The following POLR1D variants were observed in gnomAD, a reference collection of about 807,000 sequenced individuals.
The protein encoded by POLR1D is DNA-directed RNA polymerases I and III subunit RPAC2.
In POLR1D, 8 loss-of-function variants were observed where a neutral mutation model predicts 10.8. That is an observed-to-expected ratio of 0.74 (90% confidence interval 0.43 to 1.33). The LOEUF is 1.33. Ranked by LOEUF, POLR1D falls within the 40% of genes most tolerant of loss-of-function variation. POLR1D has a pLI of 0.01. For missense variants in POLR1D, 152 were observed against 161.7 expected (o/e 0.94, Z 0.32); for synonymous variants, 54 against 57.2 (o/e 0.94, Z 0.25).
At chr13:27,643,211 G>A (rs1485652385) in intron 1 of POLR1D, among the ~76,000 whole-genome samples, 1 of 152,176 alleles carries the variant, frequency 6.6e-6, no homozygotes, top group Non-Finnish European at 1.5e-5. Flanking sequence ...TAGCAAGTGC[G>A]TAATGTAGAT....
chr13:27,656,866 TTAAA>T (rs1187980768), intron 2 of POLR1D, among the ~76,000 whole-genome samples: 1 of 152,206 alleles, frequency 6.6e-6, no homozygotes, highest in Non-Finnish European at 1.5e-5. Context: ...AGGAAAATGC[TTAAA>T]TAAACTGTGG....
chr13:27,629,197 A>G (rs749602121), intron 1 of POLR1D, among the ~76,000 whole-genome samples: 4 of 152,220 alleles, frequency 2.6e-5, no homozygotes, highest in Admixed American at 6.5e-5. Context: ...GCATAGGCAT[A>G]GCAAACTTAG....
At chr13:27,653,604 T>TA (rs1257669947) in intron 2 of POLR1D, among the ~76,000 whole-genome samples, 1 of 152,216 alleles carries the variant, frequency 6.6e-6, no homozygotes, top group African/African-American at 2.4e-5. Context: ...CTTGCACTCT[T>TA]ACGTTATTGA....
At chr13:27,627,727 GTTTTTT>G (rs57621806), downstream of POLR1D, among the ~76,000 whole-genome samples, 11 of 95,396 alleles carry the variant, frequency 1.2e-4, no homozygotes, top group South Asian at 1.6e-3. Context: ...TAAAGTTTTA[GTTTTTT>G]TTTTTTTTTT....
intron 1 of POLR1D, among the ~76,000 whole-genome samples, chr13:27,630,101 C>CG (rs1486642994): frequency 6.6e-6 from 1 of 151,962 alleles, no homozygotes; most frequent in Non-Finnish European, 1.5e-5. Context: ...TTAGTAGAGA[C>CG]GGGGTTTCAC....
intron 2 of POLR1D, among the ~76,000 whole-genome samples, chr13:27,664,167 G>GGAATGTCC (rs1956392703): frequency 6.6e-6 from 1 of 152,198 alleles, no homozygotes; most frequent in African/African-American, 2.4e-5. Context: ...TTCCCGCACA[G>GGAATGTCC]GAATGTCCTA....
At chr13:27,633,774 C>G (rs1285993229) in intron 1 of POLR1D, among the ~76,000 whole-genome samples, 5 of 152,182 alleles carry the variant, frequency 3.3e-5, no homozygotes, top group Non-Finnish European at 7.4e-5. Context: ...ATTGCGATCC[C>G]TCATCTAACA....
rs907759568 is a variant in POLR1D at position 27,662,197 on chromosome 13, T to C, written c.102-3489T>C. On this transcript the variant is annotated intron_variant, in intron 2 of 2. Coordinates refer to the POLR1D transcript ENST00000399697. ...TGCCATCTTGCAAAAATTCCGGATG[T>C]ATTAGCCTATTTGAGAGCTATGTGT... 2.6e-5 allele frequency among the ~76,000 whole-genome samples: 4 copies of C among 152,186 alleles called. 1 individual carries two copies. Among genetic ancestry groups the C allele is most frequent in the Admixed American group, 2.6e-4 (4 of 15,286 alleles).
chr13:27,655,449 G>A (rs916367846), intron 2 of POLR1D, among the ~76,000 whole-genome samples: 5 of 152,008 alleles, frequency 3.3e-5, no homozygotes, highest in Non-Finnish European at 5.9e-5. Flanking sequence ...TTTTATAGTG[G>A]TTGCCTTTTG....
chr13:27,633,655 T>G (rs1391484018), intron 1 of POLR1D, among the ~76,000 whole-genome samples: 3 of 152,222 alleles, frequency 2.0e-5, no homozygotes, highest in African/African-American at 7.2e-5. Flanking sequence ...ACTCTTGCAC[T>G]TTTCCCTTGG....
At chr13:27,629,103 C>T (rs1448818240) in intron 1 of POLR1D, among the ~76,000 whole-genome samples, 3 of 152,188 alleles carry the variant, frequency 2.0e-5, no homozygotes, top group African/African-American at 4.8e-5. Context: ...GGATTATAGG[C>T]GTGAGCCACT....
intron 2 of POLR1D, among the ~76,000 whole-genome samples, chr13:27,658,622 T>G (rs1020928475): frequency 5.3e-5 from 8 of 152,182 alleles, no homozygotes; most frequent in Non-Finnish European, 1.2e-4. Flanking sequence ...CTAAAGAAAA[T>G]GCAAGTGGGA....
chr13:27,665,813 G>A, exon 3 of POLR1D: 2 of 1,614,182 alleles, frequency 1.2e-6, no homozygotes, highest in Non-Finnish European at 1.7e-6. Flanking sequence ...GAAGAGCCAG[G>A]CCCAGAAAGA....
chr13:27,624,698 G>A (rs936022967), downstream of POLR1D, among the ~76,000 whole-genome samples: 2 of 152,014 alleles, frequency 1.3e-5, no homozygotes, highest in African/African-American at 4.8e-5. Flanking sequence ...ACAAGCCTGG[G>A]CAACATGGGG....
At chr13:27,624,898 AT>A (rs1358045401), downstream of POLR1D, among the ~76,000 whole-genome samples, 1 of 152,154 alleles carries the variant, frequency 6.6e-6, no homozygotes, top group Admixed American at 6.6e-5. Flanking sequence ...AAAAAAATAT[AT>A]AAAATTAAAA....
chr13:27,627,563 C>T (rs577062793), downstream of POLR1D, among the ~76,000 whole-genome samples: 22 of 152,216 alleles, frequency 1.4e-4, no homozygotes, highest in African/African-American at 5.1e-4. Flanking sequence ...GTGAAAGGCA[C>T]TGCTGAAACA....
At position 27,635,696 on chromosome 13, in the gene POLR1D, C is replaced by CTATATATA. The variant is rs3081355; in HGVS notation, c.27-12660_27-12653dup. Among the ~76,000 whole-genome samples the CTATATATA allele has an allele frequency of 4.3e-3, 602 of 140,514 alleles. 1 individual carries two copies. Among genetic ancestry groups the CTATATATA allele is most frequent in the South Asian group, 7.0e-3 (31 of 4,448 alleles). The allele number at this position is 140,514 out of a possible 152,430, so 92.2% of individuals were successfully genotyped here. Reference sequence around the variant, plus strand: ...TCAGTGCTCTATAGTTACAAAGTAACTATATATATATATATATATATATAT... The same window carrying CTATATATA: ...TCAGTGCTCTATAGTTACAAAGTAACTATATATATATATATATATATATATATATATAT... On this transcript the variant is annotated intron_variant, in intron 1 of 2. Transcript: ENST00000399697.
intron 2 of POLR1D, among the ~76,000 whole-genome samples, chr13:27,654,762 A>G (rs1956294449): frequency 6.6e-6 from 1 of 152,244 alleles, no homozygotes; most frequent in Non-Finnish European, 1.5e-5. Flanking sequence ...CATCAAGGAC[A>G]TTCTCAAGTA....
intron 1 of POLR1D, among the ~76,000 whole-genome samples, chr13:27,636,118 A>G (rs1956122611): frequency 6.6e-6 from 1 of 152,188 alleles, no homozygotes; most frequent in South Asian, 2.1e-4. Context: ...CACATCACAT[A>G]GCATTGGGAT....
Sources: gnomAD v4.1 joint callset for allele counts (sites outside exome capture counted in the v4.1 genomes callset) on GRCh38, gnomAD v4.1.1 for gene constraint, MANE v1.5 for transcripts, NCBI Gene and HGNC (gene_info 2026-07-23, HGNC 2026-07-21) for gene names.